Variants in COL19A1 observed in about 807,000 individuals in gnomAD.
COL19A1 encodes the protein collagen alpha-1(XIX) chain.
Under a neutral mutation model 190.2 loss-of-function variants are expected in COL19A1, and 159 were observed. That is an observed-to-expected ratio of 0.84 (90% CI 0.73 to 0.95). COL19A1 has a LOEUF of 0.95. COL19A1 is among the 40% of genes least tolerant of loss of function. COL19A1 has a pLI of 0.00. For synonymous variants in COL19A1, 509 were observed against 458.9 expected (o/e 1.11, Z -1.39); for missense variants, 1,418 against 1,431.9 (o/e 0.99, Z 0.16).
intron 4 of COL19A1, among the ~76,000 whole-genome samples, chr6:69,903,597 A>G (rs186198603): frequency 7.2e-5 from 11 of 152,286 alleles, no homozygotes; most frequent in Admixed American, 7.2e-4. Context: ...GGGGGTTGTT[A>G]TCCATAAATG....
chr6:70,120,242 A>G (rs1784811628), intron 16 of COL19A1, among the ~76,000 whole-genome samples: 1 of 152,208 alleles, frequency 6.6e-6, no homozygotes, highest in Non-Finnish European at 1.5e-5. Context: ...ATGAAGTTAA[A>G]TTTACCTACT....
At chr6:70,024,433 A>T (rs1407441729) in intron 12 of COL19A1, among the ~76,000 whole-genome samples, 1 of 152,200 alleles carries the variant, frequency 6.6e-6, no homozygotes, top group Non-Finnish European at 1.5e-5. Context: ...CTGAAGGGCC[A>T]CATGACTTAT....
At chr6:69,889,561 C>T (rs562552178) in intron 2 of COL19A1, among the ~76,000 whole-genome samples, 5 of 152,152 alleles carry the variant, frequency 3.3e-5, no homozygotes, top group Non-Finnish European at 7.3e-5. Context: ...CTATGTCTAG[C>T]TAAAGGATTG....
chr6:69,895,359 T>C (rs1769651088), intron 2 of COL19A1, among the ~76,000 whole-genome samples: 1 of 152,244 alleles, frequency 6.6e-6, no homozygotes, highest in Non-Finnish European at 1.5e-5. Flanking sequence ...CTCATTTCAC[T>C]CACCACTTCT....
chr6:69,907,961 C>T (rs1465997276), intron 4 of COL19A1, among the ~76,000 whole-genome samples: 1 of 152,058 alleles, frequency 6.6e-6, no homozygotes, highest in East Asian at 1.9e-4. Context: ...AGCTACACTT[C>T]CCCCTTGCTT....
chr6:70,160,242 C>A (rs1787711800), intron 34 of COL19A1, among the ~76,000 whole-genome samples: 1 of 152,072 alleles, frequency 6.6e-6, no homozygotes, highest in Non-Finnish European at 1.5e-5. Flanking sequence ...AGGAGGCAAG[C>A]ACCTTTACGA....
At chr6:70,187,499 C>CCTCTTGG (rs1766605735) in intron 46 of COL19A1, among the ~76,000 whole-genome samples, 1 of 412 alleles carries the variant, frequency 2.4e-3, no homozygotes, top group African/African-American at 5.6e-3. Context: ...GTAATGAGAT[C>CCTCTTGG]CAGGGGAAAG....
intron 12 of COL19A1, among the ~76,000 whole-genome samples, chr6:70,025,213 G>A (rs1031129270): frequency 2.0e-5 from 3 of 152,016 alleles, no homozygotes; most frequent in African/African-American, 7.3e-5. Flanking sequence ...TGTATTTTTA[G>A]TAGAGACGGG....
At chr6:70,192,064 G>C (rs1463158935) in intron 48 of COL19A1, among the ~76,000 whole-genome samples, 1 of 151,604 alleles carries the variant, frequency 6.6e-6, no homozygotes, top group East Asian at 1.9e-4. Flanking sequence ...GTTGTTGTTT[G>C]GTTGGTTGGT....
intron 49 of COL19A1, among the ~76,000 whole-genome samples, chr6:70,201,035 T>G (rs1403269094): frequency 6.6e-6 from 1 of 152,190 alleles, no homozygotes; most frequent in Non-Finnish European, 1.5e-5. Context: ...GGCTAATTAT[T>G]ATCTTTCGCT....
chr6:70,158,960 C>G (rs1222955982), intron 34 of COL19A1, among the ~76,000 whole-genome samples: 1 of 152,014 alleles, frequency 6.6e-6, no homozygotes, highest in South Asian at 2.1e-4. Flanking sequence ...GTAACTTTCA[C>G]TTTTACTACA....
chr6:70,073,242 CCTACCAAAGTT>C (rs1781666204), intron 15 of COL19A1, among the ~76,000 whole-genome samples: 1 of 152,058 alleles, frequency 6.6e-6, no homozygotes, highest in Admixed American at 6.6e-5. Flanking sequence ...CGCTCCTTGG[CCTACCAAAGTT>C]CTGGGATTAC....
intron 1 of COL19A1, among the ~76,000 whole-genome samples, chr6:69,878,363 G>A (rs1263001726): frequency 6.6e-6 from 1 of 151,766 alleles, no homozygotes; most frequent in Admixed American, 6.6e-5. Flanking sequence ...ACAGGTGCCC[G>A]CCACCGTGCC....
intron 9 of COL19A1, among the ~76,000 whole-genome samples, chr6:69,946,702 T>C (rs1287185711): frequency 6.6e-6 from 1 of 151,954 alleles, no homozygotes; most frequent in African/African-American, 2.4e-5. Flanking sequence ...TAAGCATTTC[T>C]GTATTTTAGG....
chr6:69,990,045 G>T (rs1415353525), intron 11 of COL19A1, among the ~76,000 whole-genome samples: 3 of 152,060 alleles, frequency 2.0e-5, no homozygotes, highest in Non-Finnish European at 4.4e-5. Context: ...TACAAATGAT[G>T]TATCTCTTTA....
At chr6:70,181,199 T>C (rs931881041) in intron 44 of COL19A1, among the ~76,000 whole-genome samples, 1 of 152,168 alleles carries the variant, frequency 6.6e-6, no homozygotes, top group Non-Finnish European at 1.5e-5. Flanking sequence ...TTGTTTGCTG[T>C]GGTGTGTATG....
At chr6:69,914,739 G>C (rs1205784831) in intron 4 of COL19A1, among the ~76,000 whole-genome samples, 1 of 152,128 alleles carries the variant, frequency 6.6e-6, no homozygotes, top group East Asian at 1.9e-4. Flanking sequence ...CTTATGCTTT[G>C]AGCTGGTTGA....
In COL19A1 at chr6:70,156,231, G is replaced by T; in HGVS notation, c.2184G>T (p.Lys728Asn). 6.2e-7 allele frequency: 1 copy of T among 1,613,326 alleles called. No homozygotes were observed. Among genetic ancestry groups the T allele is most frequent in the Non-Finnish European group, 8.5e-7 (1 of 1,179,568 alleles). The change falls in exon 32 of 51, where the codon AAG (lysine) becomes AAT (asparagine). Residue 728 changes from lysine to asparagine, a missense_variant and splice_region_variant. Lys to Asn is a moderately conservative substitution (Grantham distance 94). Transcript: ENST00000620364. ...EPGKYDSMAR[K>N]GDIGPRGPPG... is the part of the protein sequence containing the mutation. ...GAAAGTATGATTCCATGGCCCGGAA[G>T]GTGAGAAGCCTGGCTGAATGTTTAC...
chr6:69,883,688 C>T (rs917272498), intron 2 of COL19A1, among the ~76,000 whole-genome samples: 5 of 152,164 alleles, frequency 3.3e-5, no homozygotes, highest in Non-Finnish European at 5.9e-5. Context: ...TTATTTTGCA[C>T]GATGACTGTA....
Sources: allele counts gnomAD v4.1 joint callset (sites outside exome capture counted in the v4.1 genomes callset), GRCh38; gene constraint gnomAD v4.1.1; transcripts MANE v1.5; gene names NCBI Gene and HGNC (gene_info 2026-07-23, HGNC 2026-07-21).